ARHGAP44: variants seen among roughly 807,000 people sequenced by gnomAD.
ARHGAP44 encodes rho GTPase-activating protein 44.
ARHGAP44 carries 43 observed loss-of-function variants against 106.8 expected under a neutral mutation model. The observed-to-expected ratio is 0.40, with a 90% CI of 0.32 to 0.52. ARHGAP44 has a LOEUF of 0.52. Ranked by LOEUF, ARHGAP44 falls within the 20% of genes least tolerant of loss-of-function variation. The pLI, the probability that ARHGAP44 is intolerant of heterozygous loss-of-function variation, is 0.48. For synonymous variants in ARHGAP44, 439 were observed against 410.3 expected, an observed-to-expected ratio of 1.07 and a Z score of -0.85; for missense variants, 866 against 1,050.5, an observed-to-expected ratio of 0.82 and a Z score of 2.43.
chr17:12,920,099 G>A (rs751080054), intron 6 of ARHGAP44, among the ~76,000 whole-genome samples: 6 of 152,064 alleles, frequency 3.9e-5, no homozygotes, highest in Non-Finnish European at 8.8e-5. Context: ...AAATGTGGCC[G>A]GGTGCAGTGG....
intron 14 of ARHGAP44, 93 bp downstream of exon 14, chr17:12,956,073 C>T: frequency 1.2e-6 from 1 of 835,754 alleles, no homozygotes; most frequent in African/African-American, 1.7e-5. Context: ...AGCTGAGCAC[C>T]AGCCTCATGT....
At chr17:12,882,554 G>A (rs1748650746) in intron 1 of ARHGAP44, among the ~76,000 whole-genome samples, 1 of 151,986 alleles carries the variant, frequency 6.6e-6, no homozygotes, top group Non-Finnish European at 1.5e-5. Flanking sequence ...CTCTCCCCAA[G>A]GGCATGTTTT....
At chr17:12,978,714 G>C in intron 18 of ARHGAP44, among the ~76,000 whole-genome samples, 1 of 143,064 alleles carries the variant, frequency 7.0e-6, no homozygotes. Context: ...TTTTTGACAG[G>C]GTCTCCCTCT....
At chr17:12,835,204 G>T (rs1378659132) in intron 1 of ARHGAP44, among the ~76,000 whole-genome samples, 1 of 152,144 alleles carries the variant, frequency 6.6e-6, no homozygotes, top group East Asian at 1.9e-4. Context: ...TTCAACTAAG[G>T]TGTAAATGAT....
chr17:12,958,930 G>A lies in ARHGAP44; in HGVS notation c.1523+33G>A, dbSNP rs1262256744. The stretch of plus-strand genomic sequence containing the variant: ...CTGGTGTCTCTTTCTCAGCACTGGG[G>A]ATTAGGGGAGGTGGTGGGGGTGGAT... On this transcript the variant is annotated intron_variant, in intron 16 of 20. Transcript: ENST00000379672. This position sits in a 1 kb window ranked among gnomAD's most constrained non-coding sequence, Gnocchi z 4.1. 3.2e-6 allele frequency: 5 copies of A among 1,582,300 alleles called. No homozygotes were observed. In the South Asian group the frequency reaches 4.6e-5, roughly 15 times the overall value.
chr17:12,829,039 C>G (rs1269357218), intron 1 of ARHGAP44, among the ~76,000 whole-genome samples: 1 of 152,090 alleles, frequency 6.6e-6, no homozygotes, highest in East Asian at 1.9e-4. Flanking sequence ...ATCAAGATTG[C>G]AAAGTTTAGT....
chr17:12,849,195 G>T (rs1355992732), intron 1 of ARHGAP44, among the ~76,000 whole-genome samples: 1 of 150,254 alleles, frequency 6.7e-6, no homozygotes, highest in East Asian at 2.0e-4. Context: ...GCACGCCAGA[G>T]ATCTTAAACT....
intron 1 of ARHGAP44, among the ~76,000 whole-genome samples, chr17:12,879,077 C>G (rs2036638867): frequency 1.3e-5 from 2 of 152,122 alleles, no homozygotes; most frequent in Non-Finnish European, 2.9e-5. Flanking sequence ...TTGGTGCACC[C>G]ATCAACCGAG....
chr17:12,875,316 G>T (rs2036520427), intron 1 of ARHGAP44, among the ~76,000 whole-genome samples: 1 of 152,178 alleles, frequency 6.6e-6, no homozygotes, highest in Non-Finnish European at 1.5e-5. Flanking sequence ...TTGGGGTCTG[G>T]GCGTGGTGGC....
At chr17:12,803,971 G>A (rs1296229533) in intron 1 of ARHGAP44, among the ~76,000 whole-genome samples, 1 of 152,158 alleles carries the variant, frequency 6.6e-6, no homozygotes, top group Non-Finnish European at 1.5e-5. Flanking sequence ...AATAACAGAT[G>A]TCATAATTCA....
At chr17:12,794,043 G>A (rs1439299944) in intron 1 of ARHGAP44, among the ~76,000 whole-genome samples, 3 of 152,214 alleles carry the variant, frequency 2.0e-5, no homozygotes, top group African/African-American at 7.2e-5. Flanking sequence ...GGCATTGGAA[G>A]GGCAGAGCAA....
intron 1 of ARHGAP44, among the ~76,000 whole-genome samples, chr17:12,884,674 G>A (rs2036833251): frequency 1.3e-5 from 2 of 151,978 alleles, no homozygotes; most frequent in African/African-American, 2.4e-5. Context: ...TCCCTCATGC[G>A]GCATCTTTGC....
At chr17:12,984,220 G>C (rs943249428) in intron 19 of ARHGAP44, among the ~76,000 whole-genome samples, 2 of 152,170 alleles carry the variant, frequency 1.3e-5, no homozygotes, top group African/African-American at 2.4e-5. Flanking sequence ...TCCTGTGGAT[G>C]GGAAATTTGT....
Position 12,990,833 on chromosome 17 carries a change from C to CTATATCA in ARHGAP44, c.*664_*670dup, listed in dbSNP as rs2040114388. ...TTTTCCACTGTGTGACTGAAAGCTC[C>CTATATCA]TATATCATTTTATATTTCTGAATCT... On this transcript the variant is annotated 3_prime_UTR_variant, in exon 21 of 21. Coordinates refer to ENST00000379672, the MANE Select transcript of ARHGAP44 (RefSeq NM_014859.6). The CTATATCA allele has an allele frequency of 6.6e-6, 1 of 152,258 alleles. No homozygotes were observed. Among genetic ancestry groups the CTATATCA allele is most frequent in the African/African-American group, 2.4e-5 (1 of 41,454 alleles). The allele number at this position is 152,258 out of a possible 1,614,324, so 9.4% of individuals were successfully genotyped here.
intron 1 of ARHGAP44, among the ~76,000 whole-genome samples, chr17:12,821,247 A>G (rs952800792): frequency 2.6e-5 from 4 of 152,190 alleles, no homozygotes; most frequent in Non-Finnish European, 5.9e-5. Flanking sequence ...GGGGATGAGT[A>G]AGGGATGTGT....
At chr17:12,977,052 C>T (rs551277548) in intron 18 of ARHGAP44, among the ~76,000 whole-genome samples, 1 of 152,030 alleles carries the variant, frequency 6.6e-6, no homozygotes, top group East Asian at 1.9e-4. Context: ...GCTCTGAAGG[C>T]ATTCCAGGAA....
intron 19 of ARHGAP44, 147 bp from the exon 20 acceptor site, chr17:12,984,384 G>A (rs990258086): frequency 6.5e-5 from 48 of 743,030 alleles, no homozygotes; most frequent in Middle Eastern, 4.1e-4. Context: ...GCAAGAGGCC[G>A]GGGGGCAGGG....
chr17:12,953,147 G>T (rs777710512), intron 13 of ARHGAP44, among the ~76,000 whole-genome samples: 1 of 152,144 alleles, frequency 6.6e-6, no homozygotes, highest in Non-Finnish European at 1.5e-5. Context: ...CCTTGAGCAA[G>T]TTCACAGGAA....
chr17:12,921,762 T>C (rs1445450357), intron 6 of ARHGAP44, among the ~76,000 whole-genome samples: 1 of 152,246 alleles, frequency 6.6e-6, no homozygotes, highest in African/African-American at 2.4e-5. Context: ...TATCATTTTC[T>C]TCACCTGGAC....
Sources: gnomAD v4.1 joint callset for allele counts (sites outside exome capture counted in the v4.1 genomes callset) on GRCh38, gnomAD v4.1.1 for gene constraint, Gnocchi (gnomAD v3.1) non-coding constraint, MANE v1.5 for transcripts, NCBI Gene and HGNC (gene_info 2026-07-23, HGNC 2026-07-21) for gene names.